TNXB: variants seen among roughly 807,000 people sequenced by gnomAD.
The protein encoded by TNXB is tenascin XB, also known as tenascin-X.
TNXB carries 183 observed loss-of-function variants against 340.5 expected under a neutral mutation model. The observed-to-expected ratio is 0.54, with a 90% CI of 0.48 to 0.61. The LOEUF (loss-of-function observed/expected upper bound fraction) is 0.61. TNXB is among the 20% of genes least tolerant of loss of function. The probability of loss-of-function intolerance (pLI) is 0.00; values close to 1 mark genes in which losing one functional copy is unlikely to be tolerated. For missense variants in TNXB, 4,613 were observed against 5,446.4 expected, an observed-to-expected ratio of 0.85 and a Z score of 4.82; for synonymous variants, 2,121 against 2,314.5, an observed-to-expected ratio of 0.92 and a Z score of 2.40.
rs1777294972 is a variant in TNXB at position 32,051,770 on chromosome 6, C to T, written c.9115+900G>A. On this transcript the variant is annotated intron_variant, in intron 26 of 43. Coordinates refer to ENST00000644971, the MANE Select transcript of TNXB (RefSeq NM_001365276.2). The surrounding 1 kb of genome is among the most constrained non-coding windows in gnomAD (Gnocchi z 4.7). ...AAATAAAATAAAAAGGAAATTCTGACTGATGCTACGACATAGATGAACCTT... is the reference window on the plus strand; with the variant it reads ...AAATAAAATAAAAAGGAAATTCTGATTGATGCTACGACATAGATGAACCTT... 6.6e-6 allele frequency among the ~76,000 whole-genome samples: 1 copy of T among 151,980 alleles called. No homozygotes were observed. Among genetic ancestry groups the T allele is most frequent in the Non-Finnish European group, 1.5e-5 (1 of 68,016 alleles).
intron 24 of TNXB, 79 bp downstream of exon 24, chr6:32,055,772 T>G: frequency 2.0e-6 from 3 of 1,537,914 alleles, no homozygotes; most frequent in South Asian, 1.2e-5. Flanking sequence ...GCCCGGCTGG[T>G]GAGAATATTT....
At chr6:32,092,340 TTTC>T (rs1011015328) in intron 4 of TNXB, among the ~76,000 whole-genome samples, 2 of 152,214 alleles carry the variant, frequency 1.3e-5, no homozygotes, top group African/African-American at 4.8e-5. Context: ...GAGGAGAAAC[TTTC>T]TTCTTCTGCA....
rs761190884 is a variant in TNXB, at chr6:32,089,383, T to TGA, written c.2359-6_2359-5dup. On this transcript the variant is annotated splice_polypyrimidine_tract_variant and splice_region_variant and intron_variant, in intron 4 of 43. Transcript: ENST00000644971. The surrounding 1 kb of genome is among the most constrained non-coding windows in gnomAD (Gnocchi z 6.2). Reference sequence around the variant, plus strand: ...ATGGGGGGCTCGCCCCCTCTGTCTGTGAGAGAGAGCACCAGGTGGCTCAGG... The same window carrying TGA: ...ATGGGGGGCTCGCCCCCTCTGTCTGTGAGAGAGAGAGCACCAGGTGGCTCAGG... 39 of 1,603,474 alleles carry TGA rather than the reference T, an allele frequency of 2.4e-5. 1 individual carries two copies. In the Admixed American group the frequency reaches 3.4e-4, roughly 14 times the overall value.
intron 1 of TNXB, among the ~76,000 whole-genome samples, chr6:32,099,434 T>C (rs759501363): frequency 3.4e-4 from 52 of 152,114 alleles, no homozygotes; most frequent in Non-Finnish European, 6.0e-4. Flanking sequence ...GGTTTCACCA[T>C]GTAGGCAGGC....
At position 32,069,921 on chromosome 6, in the gene TNXB, G is replaced by T; in HGVS notation, c.5279-60C>A. The T allele has an allele frequency of 6.7e-7, 1 of 1,491,998 alleles. No homozygotes were observed. Among genetic ancestry groups the T allele is most frequent in the African/African-American group, 1.4e-5 (1 of 71,998 alleles). The allele number at this position is 1,491,998 out of a possible 1,614,324, so 92.4% of individuals were successfully genotyped here. ...TGTTTCTGGAAGACTGGGTGACCTC[G>T]ACGGGCAGGATTGAGAGGTCTGGAG... On this transcript the variant is annotated intron_variant, in intron 14 of 43. Transcript: ENST00000644971. The surrounding 1 kb of genome is among the most constrained non-coding windows in gnomAD (Gnocchi z 6.2).
intron 11 of TNXB, among the ~76,000 whole-genome samples, chr6:32,077,226 T>C (rs1779129802): frequency 6.6e-6 from 1 of 152,102 alleles, no homozygotes. Context: ...GCAGCATGTC[T>C]GGGCCTGGCA....
rs1337112980 is a variant in TNXB, at chr6:32,052,254, A to G, written c.9115+416T>C. Among the ~76,000 whole-genome samples, 1 of 152,172 alleles carries G rather than the reference A, an allele frequency of 6.6e-6. No individual in the cohort carries two copies. The highest frequency in any genetic ancestry group is 1.5e-5 in the Non-Finnish European group (1 of 68,022). On this transcript the variant is annotated intron_variant, in intron 26 of 43. Transcript: ENST00000644971. The surrounding 1 kb of genome is among the most constrained non-coding windows in gnomAD (Gnocchi z 4.7). Reference sequence around the variant, plus strand: ...ATCACGAGGTCAGGAGATTGAGACCATCCTGGCTAACACGGTGAAACCCAT... The same window carrying G: ...ATCACGAGGTCAGGAGATTGAGACCGTCCTGGCTAACACGGTGAAACCCAT...
Position 32,062,354 on chromosome 6 carries a change from G to A in TNXB, c.6971C>T (p.Thr2324Met), listed in dbSNP as rs17207909. ...GTGGTCAAACTGTCCCTCGGGAACCGTCCAGGACAGGCTGAGGGAGTCAGG... is the reference window on the plus strand; with the variant it reads ...GTGGTCAAACTGTCCCTCGGGAACCATCCAGGACAGGCTGAGGGAGTCAGG... Reference protein sequence around the residue: ...ATPDSLSLSWTVPEGQFDHFL... With the variant: ...ATPDSLSLSWMVPEGQFDHFL... Residue 2324 changes from threonine (T) to methionine (M), a missense_variant, in exon 20 of 44, where the codon ACG (threonine) becomes ATG (methionine). Transcript: ENST00000644971. The surrounding 1 kb of genome is among the most constrained non-coding windows in gnomAD (Gnocchi z 4.3). 10 of 1,613,540 alleles carry A rather than the reference G, an allele frequency of 6.2e-6. No homozygotes were observed. Among genetic ancestry groups the A allele is most frequent in the Admixed American group, 5.0e-5 (3 of 60,006 alleles).
chr6:32,044,190 C>T (rs1315813863), intron 33 of TNXB, 61 bp from the exon 34 acceptor site: 4 of 1,357,960 alleles, frequency 2.9e-6, no homozygotes, highest in South Asian at 2.7e-5. Flanking sequence ...CCCTACGAGT[C>T]CCCCCCTCGC....
rs1386186927 is a variant in TNXB, at chr6:32,097,608, A to G, written c.404-159T>C. 7.2e-6 allele frequency: 8 copies of G among 1,112,340 alleles called. No individual in the cohort carries two copies. The highest frequency in any genetic ancestry group is 2.5e-6 in the Non-Finnish European group (2 of 803,716). The allele number at this position is 1,112,340 out of a possible 1,614,324, so 68.9% of individuals were successfully genotyped here. ...GTATGTGTAATGTATGCAGCCTCTC[A>G]GGGCCCTCGCATATGCTTTGGTTGA... On this transcript the variant is annotated intron_variant, in intron 2 of 43. Coordinates refer to ENST00000644971, the MANE Select transcript of TNXB (RefSeq NM_001365276.2). This position sits in a 1 kb window ranked among gnomAD's most constrained non-coding sequence, Gnocchi z 5.9.
chr6:32,060,984 G>A (rs1777971471), intron 21 of TNXB, among the ~76,000 whole-genome samples: 1 of 151,960 alleles, frequency 6.6e-6, no homozygotes, highest in Non-Finnish European at 1.5e-5. Flanking sequence ...AGGGTCTTAT[G>A]TTAAAACATT....
intron 1 of TNXB, among the ~76,000 whole-genome samples, chr6:32,100,857 G>A (rs917743366): frequency 1.3e-5 from 2 of 151,828 alleles, no homozygotes; most frequent in African/African-American, 2.4e-5. Flanking sequence ...TGAAGTGGGC[G>A]GATCATGAGG....
rs1451322478 is a variant in TNXB, at chr6:32,062,148, T to C, written c.7168+9A>G. 1 of 1,607,658 alleles carries C rather than the reference T, an allele frequency of 6.2e-7. No individual in the cohort carries two copies. Among genetic ancestry groups the C allele is most frequent in the African/African-American group, 1.3e-5 (1 of 74,814 alleles). On this transcript the variant is annotated intron_variant, in intron 20 of 43. Coordinates refer to ENST00000644971, the MANE Select transcript of TNXB (RefSeq NM_001365276.2). This position sits in a 1 kb window ranked among gnomAD's most constrained non-coding sequence, Gnocchi z 4.3. ...GGCTCCCACCCTGGGGCTCCCATCG[T>C]CCACTCACCTGTCACCCCGATGGCA...
chr6:32,055,716 A>G lies in TNXB; in HGVS notation c.8467+135T>C, dbSNP rs187164355. On this transcript the variant is annotated intron_variant, in intron 24 of 43. Coordinates refer to ENST00000644971, the MANE Select transcript of TNXB (RefSeq NM_001365276.2). ...CCTAGCCCAAACCTGTTGAACCCCA[A>G]TCTGCCTCTTAGCAAGATCCCCAAG... 409 of 1,322,072 alleles carry G rather than the reference A, an allele frequency of 3.1e-4. 2 individuals carry two copies. The African/African-American group carries it at 4.9e-3, about 16-fold the overall frequency. 81.9% of individuals were successfully genotyped at this position (1,322,072 alleles called of 1,614,324 possible).
rs1354447876 is a variant in TNXB at position 32,089,450 on chromosome 6, T to A, written c.2359-71A>T. The A allele has an allele frequency of 1.3e-6, 2 of 1,521,728 alleles. No individual in the cohort carries two copies. Among genetic ancestry groups the A allele is most frequent in the African/African-American group, 2.7e-5 (2 of 72,842 alleles). The allele number at this position is 1,521,728 out of a possible 1,614,324, so 94.3% of individuals were successfully genotyped here. On this transcript the variant is annotated intron_variant, in intron 4 of 43. Transcript: ENST00000644971. The surrounding 1 kb of genome is among the most constrained non-coding windows in gnomAD (Gnocchi z 6.2). ...TCTGCTGCTCAATCCCCCTTATCTC[T>A]TCTTTCTCCAATTCTAAACAGTGTC...
chr6:32,078,122 AGAAAGAAAG>A (rs1302985144), intron 11 of TNXB, among the ~76,000 whole-genome samples: 1 of 146,912 alleles, frequency 6.8e-6, no homozygotes, highest in Non-Finnish European at 1.5e-5. Flanking sequence ...AAAGAAAGAA[AGAAAGAAAG>A]AAAAAGAGAG....
Position 32,068,521 on chromosome 6 carries a change from G to A in TNXB, c.6089C>T (p.Ala2030Val). Residue 2030 changes from alanine (A) to valine (V), a missense_variant, in exon 17 of 44, where the codon GCA becomes GTA. By Grantham distance (64) the Ala-to-Val change is moderately conservative (BLOSUM62 0). Coordinates refer to ENST00000644971, the MANE Select transcript of TNXB (RefSeq NM_001365276.2). This position sits in a 1 kb window ranked among gnomAD's most constrained non-coding sequence, Gnocchi z 5.3. ...TTCCTCGTGCCCTGGCACCCTCACT[G>A]CCTTGGGCTGCCCATCTCCATTCCT... ...QYRNGDGQPK[A>V]VRVPGHEEGV... 1 of 1,613,960 alleles carries A rather than the reference G, an allele frequency of 6.2e-7. No homozygotes were observed. The highest frequency in any genetic ancestry group is 8.5e-7 in the Non-Finnish European group (1 of 1,179,904).
rs767639594 is a variant in TNXB, at chr6:32,048,358, C to T, written c.10045+5G>A. On this transcript the variant is annotated splice_donor_5th_base_variant and intron_variant, in intron 29 of 43. Coordinates refer to ENST00000644971, the MANE Select transcript of TNXB (RefSeq NM_001365276.2). Reference sequence around the variant, plus strand: ...GGCCGCGGGAGGCCTCCAGCCCTCACTCACCGGTCCTGGCCTCCACAGGGA... The same window carrying T: ...GGCCGCGGGAGGCCTCCAGCCCTCATTCACCGGTCCTGGCCTCCACAGGGA... 6.8e-7 allele frequency: 1 copy of T among 1,477,426 alleles called. No homozygotes were observed. Among genetic ancestry groups the T allele is most frequent in the Non-Finnish European group, 9.0e-7 (1 of 1,111,840 alleles). The allele number at this position is 1,477,426 out of a possible 1,614,324, so 91.5% of individuals were successfully genotyped here.
intron 11 of TNXB, among the ~76,000 whole-genome samples, chr6:32,078,073 GAGAA>G (rs57498424): frequency 0.092 from 11,547 of 124,850 alleles, 574 homozygotes; most frequent in African/African-American, 0.12. Flanking sequence ...CAGAAAGAAA[GAGAA>G]AGAAAGAAAG....
Sources: gnomAD v4.1 joint callset for allele counts (sites outside exome capture counted in the v4.1 genomes callset) on GRCh38, gnomAD v4.1.1 for gene constraint, Gnocchi (gnomAD v3.1) non-coding constraint, MANE v1.5 for transcripts, NCBI Gene and HGNC (gene_info 2026-07-23, HGNC 2026-07-21) for gene names.